The following ZMAT5 variants were observed in gnomAD, a reference collection of about 807,000 sequenced individuals.
ZMAT5 encodes the protein zinc finger matrin-type 5.
In ZMAT5, 23 loss-of-function variants were observed where a neutral mutation model predicts 28.0. The observed-to-expected ratio is 0.82, with a 90% CI of 0.59 to 1.16. The LOEUF (loss-of-function observed/expected upper bound fraction) is 1.16, where lower values mean the gene tolerates loss of function less well. Ranked by LOEUF, ZMAT5 falls within the 50% of genes most tolerant of loss-of-function variation. ZMAT5 has a pLI of 0.00. For synonymous variants in ZMAT5, 76 were observed against 84.1 expected, an observed-to-expected ratio of 0.90 and a Z score of 0.52; for missense variants, 173 against 212.7, an observed-to-expected ratio of 0.81 and a Z score of 1.16.
intron 5 of ZMAT5, among the ~76,000 whole-genome samples, chr22:29,734,119 G>A (rs2067881149): frequency 6.6e-6 from 1 of 152,236 alleles, no homozygotes; most frequent in Admixed American, 6.5e-5. Flanking sequence ...GAGGGATAGA[G>A]TCGCAAACTG....
At chr22:29,731,390 G>A (rs1251543805) in intron 5 of ZMAT5, 36 bp from the exon 6 acceptor site, 1 of 1,535,726 alleles carries the variant, frequency 6.5e-7, no homozygotes. Flanking sequence ...GAATAAGAGT[G>A]CACTACAGCC....
At chr22:29,738,605 C>T (rs1428369564) in intron 4 of ZMAT5, among the ~76,000 whole-genome samples, 164 bp from the exon 5 acceptor site, 1 of 152,112 alleles carries the variant, frequency 6.6e-6, no homozygotes, top group Non-Finnish European at 1.5e-5. Context: ...GCCATCTGTG[C>T]ACGAGGGCCC....
At chr22:29,758,406 A>T (rs1419754123) in intron 1 of ZMAT5, among the ~76,000 whole-genome samples, 1 of 152,210 alleles carries the variant, frequency 6.6e-6, no homozygotes, top group East Asian at 1.9e-4. Context: ...GCTTAAGTCC[A>T]GGAGTTTGAG....
chr22:29,738,103 C>A (rs555325190), intron 5 of ZMAT5, among the ~76,000 whole-genome samples: 3 of 152,296 alleles, frequency 2.0e-5, no homozygotes, highest in East Asian at 3.9e-4. Context: ...CCAGCCAGCA[C>A]AGACTCCAAC....
chr22:29,755,326 GGAGA>G (rs773315268), intron 1 of ZMAT5, among the ~76,000 whole-genome samples: 33,353 of 91,332 alleles, frequency 0.37, 7,367 homozygotes, highest in East Asian at 0.66. Flanking sequence ...AAAAAAGAAA[GGAGA>G]GAGAGAGAGA....
In ZMAT5 at chr22:29,761,597, C is replaced by T. The variant is rs530937871; in HGVS notation, c.-28+5275G>A. Among the ~76,000 whole-genome samples the T allele has an allele frequency of 1.6e-4, 24 of 152,068 alleles. No individual in the cohort carries two copies. In the South Asian group the frequency reaches 2.5e-3, roughly 16 times the overall value. ...GAGAGAGTGAGACACTGTCTCAGAA[C>T]AATCCTACTGGGAACTGTGCATGCG... On this transcript the variant is annotated intron_variant, in intron 1 of 5. Transcript: ENST00000344318.
At chr22:29,765,590 C>A (rs1040220978) in intron 1 of ZMAT5, among the ~76,000 whole-genome samples, 10 of 152,082 alleles carry the variant, frequency 6.6e-5, no homozygotes, top group African/African-American at 1.9e-4. Context: ...ACCCATCAGG[C>A]CGGGCATGGT....
intron 1 of ZMAT5, among the ~76,000 whole-genome samples, chr22:29,758,159 C>T (rs776668850): frequency 7.2e-5 from 11 of 152,162 alleles, no homozygotes; most frequent in South Asian, 2.1e-4. Context: ...CTAACAGCCA[C>T]GTGAATACAT....
chr22:29,753,497 C>G (rs1460886818), intron 1 of ZMAT5, among the ~76,000 whole-genome samples: 7 of 152,098 alleles, frequency 4.6e-5, no homozygotes, highest in Non-Finnish European at 1.0e-4. Context: ...TGCACCCCAG[C>G]CTGGGTGACA....
chr22:29,759,549 G>C (rs923850487), intron 1 of ZMAT5, among the ~76,000 whole-genome samples: 6 of 152,126 alleles, frequency 3.9e-5, no homozygotes, highest in African/African-American at 7.2e-5. Flanking sequence ...CAGATCAGTT[G>C]AGGTCACGAG....
At chr22:29,737,890 C>T (rs1230132090) in intron 5 of ZMAT5, among the ~76,000 whole-genome samples, 1 of 62,562 alleles carries the variant, frequency 1.6e-5, no homozygotes, top group Non-Finnish European at 3.0e-5. Context: ...GGACCAGGAC[C>T]TCGTCATCAC....
rs535106295 is a variant in ZMAT5 at position 29,751,676 on chromosome 22, C to T, written c.-27-3105G>A. Among the ~76,000 whole-genome samples, 19 of 152,266 alleles carry T rather than the reference C, an allele frequency of 1.2e-4. No individual in the cohort carries two copies. In the South Asian group the frequency reaches 3.9e-3, roughly 32 times the overall value. ...ATCCAGGTAGCAGGCCTCTAGGGTCCCCACTCCTGATCACATAATGAAAGT... is the reference window on the plus strand; with the variant it reads ...ATCCAGGTAGCAGGCCTCTAGGGTCTCCACTCCTGATCACATAATGAAAGT... On this transcript the variant is annotated intron_variant, in intron 1 of 5. Coordinates refer to ENST00000344318, the MANE Select transcript of ZMAT5 (RefSeq NM_001003692.2).
chr22:29,743,658 C>T (rs1293546468), intron 2 of ZMAT5, among the ~76,000 whole-genome samples: 1 of 152,170 alleles, frequency 6.6e-6, no homozygotes, highest in African/African-American at 2.4e-5. Flanking sequence ...TCTCGAACTC[C>T]TGGGCTCAAG....
intron 3 of ZMAT5, among the ~76,000 whole-genome samples, chr22:29,741,266 G>A (rs974353670): frequency 3.9e-5 from 6 of 152,174 alleles, no homozygotes; most frequent in Non-Finnish European, 8.8e-5. Context: ...AGACCAAAAT[G>A]TATGTCGAGA....
chr22:29,753,507 A>C (rs939483981), intron 1 of ZMAT5, among the ~76,000 whole-genome samples: 5 of 152,132 alleles, frequency 3.3e-5, no homozygotes, highest in African/African-American at 1.2e-4. Flanking sequence ...CCTGGGTGAC[A>C]GAGCAAGACT....
intron 4 of ZMAT5, 47 bp from the exon 5 acceptor site, chr22:29,738,488 T>C: frequency 1.3e-6 from 2 of 1,548,424 alleles, no homozygotes; most frequent in African/African-American, 2.7e-5. Context: ...CACTCCTGCC[T>C]GCCAGAACCC....
Position 29,766,863 on chromosome 22 carries a change from CG to C in ZMAT5, c.-28+8del, listed in dbSNP as rs1281183083. 6 of 153,122 alleles carry C rather than the reference CG, an allele frequency of 3.9e-5. No individual in the cohort carries two copies. The highest frequency in any genetic ancestry group is 1.4e-4 in the African/African-American group (6 of 41,474). 9.5% of individuals were successfully genotyped at this position (153,122 alleles called of 1,614,324 possible). ...AGAAATGGTGCGTCCCGCCGCAGGG[CG>C]TACGCACAGAGAAGGAAGTGTTCAA... is the stretch of plus-strand genomic sequence containing the variant. On this transcript the variant is annotated splice_region_variant and intron_variant, in intron 1 of 5. Coordinates refer to ENST00000344318, the MANE Select transcript of ZMAT5 (RefSeq NM_001003692.2).
chr22:29,761,224 G>A (rs1466427002), intron 1 of ZMAT5, among the ~76,000 whole-genome samples: 1 of 126,408 alleles, frequency 7.9e-6, no homozygotes, highest in African/African-American at 3.1e-5. Context: ...AGTGAGCCGA[G>A]ATTGTGCCAC....
At chr22:29,744,398 T>A (rs1056749472) in intron 2 of ZMAT5, among the ~76,000 whole-genome samples, 17 of 151,574 alleles carry the variant, frequency 1.1e-4, no homozygotes, top group African/African-American at 4.1e-4. Context: ...GGGGGTGTGG[T>A]CTGCTGGGAT....
Sources: allele counts gnomAD v4.1 joint callset (sites outside exome capture counted in the v4.1 genomes callset), GRCh38; gene constraint gnomAD v4.1.1; transcripts MANE v1.5; gene names NCBI Gene and HGNC (gene_info 2026-07-23, HGNC 2026-07-21).